Variants in MACROD2 observed in about 807,000 individuals in gnomAD.
MACROD2 encodes the protein mono-ADP ribosylhydrolase 2, also known as ADP-ribose glycohydrolase MACROD2.
Under a neutral mutation model 70.4 loss-of-function variants are expected in MACROD2, and 36 were observed. That is an observed-to-expected ratio of 0.51 (90% CI 0.39 to 0.68). MACROD2 has a LOEUF of 0.68. MACROD2 is among the 30% of genes least tolerant of loss of function. The pLI is 0.00. For missense variants in MACROD2, 496 were observed against 538.4 expected, an observed-to-expected ratio of 0.92 and a Z score of 0.78; for synonymous variants, 172 against 178.8, an observed-to-expected ratio of 0.96 and a Z score of 0.30.
At chr20:15,712,246 T>A (rs1310497205) in intron 8 of MACROD2, among the ~76,000 whole-genome samples, 1 of 152,230 alleles carries the variant, frequency 6.6e-6, no homozygotes, top group Non-Finnish European at 1.5e-5. Context: ...CTTTCTCAAC[T>A]GCTCAACTCT....
At chr20:15,320,311 A>G (rs1324333105) in intron 6 of MACROD2, among the ~76,000 whole-genome samples, 3 of 152,216 alleles carry the variant, frequency 2.0e-5, no homozygotes, top group African/African-American at 7.2e-5. Context: ...GGTGACAAAA[A>G]TGTTTTGGAA....
intron 8 of MACROD2, among the ~76,000 whole-genome samples, chr20:15,819,360 TATAA>T (rs368344137): frequency 0.056 from 8,041 of 142,936 alleles, 424 homozygotes; most frequent in East Asian, 0.27. Flanking sequence ...TATAAATGTA[TATAA>T]ATAAATAAAT....
chr20:15,808,440 A>G (rs2063788768), intron 8 of MACROD2, among the ~76,000 whole-genome samples: 1 of 152,226 alleles, frequency 6.6e-6, no homozygotes, highest in South Asian at 2.1e-4. Context: ...TAGTTCATAA[A>G]TTAAATAGCT....
intron 15 of MACROD2, among the ~76,000 whole-genome samples, chr20:16,040,935 G>T (rs2067299194): frequency 6.6e-6 from 1 of 151,908 alleles, no homozygotes; most frequent in Admixed American, 6.6e-5. Flanking sequence ...AACTTTTCCT[G>T]CTGTCATGCT....
chr20:15,997,995 A>T (rs548030300), intron 15 of MACROD2, among the ~76,000 whole-genome samples: 4 of 152,338 alleles, frequency 2.6e-5, no homozygotes, highest in African/African-American at 9.6e-5. Context: ...GTGGTATATC[A>T]GATTTATTGA....
chr20:14,372,896 T>G (rs1372781391), intron 3 of MACROD2, among the ~76,000 whole-genome samples: 1 of 152,216 alleles, frequency 6.6e-6, no homozygotes, highest in East Asian at 1.9e-4. Context: ...TATTCTACCA[T>G]GGCTTTATAA....
At chr20:14,556,507 C>A (rs1979041104) in intron 4 of MACROD2, among the ~76,000 whole-genome samples, 1 of 152,006 alleles carries the variant, frequency 6.6e-6, no homozygotes, top group Admixed American at 6.6e-5. Flanking sequence ...AGGCAAAGGA[C>A]CAGGTGAAGG....
chr20:15,615,759 G>T (rs1182264429), intron 8 of MACROD2, among the ~76,000 whole-genome samples: 2 of 152,162 alleles, frequency 1.3e-5, no homozygotes, highest in Non-Finnish European at 2.9e-5. Context: ...CCCTGCCACT[G>T]CCAGATGACA....
intron 10 of MACROD2, among the ~76,000 whole-genome samples, chr20:15,894,905 C>T (rs2064946711): frequency 6.6e-6 from 1 of 152,180 alleles, no homozygotes; most frequent in Non-Finnish European, 1.5e-5. Flanking sequence ...GCTGGGGCTT[C>T]CAAATCTCCT....
At chr20:14,881,363 T>C (rs2073609217) in intron 5 of MACROD2, among the ~76,000 whole-genome samples, 1 of 151,468 alleles carries the variant, frequency 6.6e-6, no homozygotes. Context: ...AGCCTTGGTC[T>C]CTAGGTCTAA....
chr20:14,417,286 G>A lies in MACROD2; in HGVS notation c.272-76193G>A, dbSNP rs572527649. Among the ~76,000 whole-genome samples the A allele has an allele frequency of 5.9e-5, 9 of 152,294 alleles. No individual in the cohort carries two copies. The South Asian group carries it at 1.9e-3, about 32-fold the overall frequency. ...AATACAAAAAGATAAATGCGTACAT[G>A]TCTAGAGGACTGAGAAGATAGATAC... On this transcript the variant is annotated intron_variant, in intron 3 of 17. Coordinates refer to ENST00000684519, the MANE Select transcript of MACROD2 (RefSeq NM_001351661.2).
In MACROD2 at chr20:14,349,803, ATTCTTTTT is replaced by A. The variant is rs201867976; in HGVS notation, c.272-143665_272-143658del. On this transcript the variant is annotated intron_variant, in intron 3 of 17. Transcript: ENST00000684519. ...ATGTTATTGCAAATGACAGAATCTT[ATTCTTTTT>A]TTCTTTTTTTTTTTTTTTTGCCCAG... Among the ~76,000 whole-genome samples the A allele has an allele frequency of 5.4e-3, 777 of 143,042 alleles. 4 individuals are homozygous for A. The highest frequency in any genetic ancestry group is 0.037 in the Admixed American group (537 of 14,342). 93.8% of individuals were successfully genotyped at this position (143,042 alleles called of 152,430 possible).
intron 4 of MACROD2, among the ~76,000 whole-genome samples, chr20:14,653,008 G>A (rs916384770): frequency 1.3e-5 from 2 of 152,096 alleles, no homozygotes; most frequent in African/African-American, 4.8e-5. Context: ...TTTATTAGCC[G>A]TGTATACCCT....
At chr20:14,736,975 T>A (rs2071673438) in intron 5 of MACROD2, among the ~76,000 whole-genome samples, 1 of 152,122 alleles carries the variant, frequency 6.6e-6, no homozygotes, top group African/African-American at 2.4e-5. Flanking sequence ...TAAAATATAC[T>A]TTAAGTTCTG....
chr20:15,762,898 G>A (rs1302691948), intron 8 of MACROD2, among the ~76,000 whole-genome samples: 2 of 152,126 alleles, frequency 1.3e-5, no homozygotes, highest in African/African-American at 4.8e-5. Context: ...GAGTGTACGG[G>A]CACATGCACA....
rs569154098 is a variant in MACROD2, at chr20:14,879,142, C to T, written c.418+194183C>T. Among the ~76,000 whole-genome samples, 6 of 152,194 alleles carry T rather than the reference C, an allele frequency of 3.9e-5. No homozygotes were observed. The South Asian group carries it at 1.0e-3, about 26-fold the overall frequency. On this transcript the variant is annotated intron_variant, in intron 5 of 17. Transcript: ENST00000684519. Reference sequence around the variant, plus strand: ...ACCCTTATGCATTGCGTAATTAAAACCTTGTACACAGTACAGGTTCAGCAA... The same window carrying T: ...ACCCTTATGCATTGCGTAATTAAAATCTTGTACACAGTACAGGTTCAGCAA...
At chr20:15,845,897 G>T (rs1176898110) in intron 8 of MACROD2, among the ~76,000 whole-genome samples, 2 of 152,164 alleles carry the variant, frequency 1.3e-5, no homozygotes, top group East Asian at 3.9e-4. Context: ...ACACAAAACT[G>T]TGACCAATGA....
intron 6 of MACROD2, among the ~76,000 whole-genome samples, chr20:15,282,270 C>T (rs1184230103): frequency 9.2e-5 from 14 of 152,174 alleles, no homozygotes; most frequent in Non-Finnish European, 2.9e-5. Flanking sequence ...ACATTTGGCT[C>T]CTCGTTACTT....
At chr20:14,825,112 G>A (rs76237261) in intron 5 of MACROD2, among the ~76,000 whole-genome samples, 19,107 of 151,972 alleles carry the variant, frequency 0.13, 1,364 homozygotes, top group Middle Eastern at 0.27. Context: ...CTGCAGGCAC[G>A]TCTGCCCTGT....
Sources: allele counts gnomAD v4.1 joint callset (sites outside exome capture counted in the v4.1 genomes callset), GRCh38; gene constraint gnomAD v4.1.1; transcripts MANE v1.5; gene names NCBI Gene and HGNC (gene_info 2026-07-23, HGNC 2026-07-21).